The following PSIP1 variants were observed in gnomAD, a reference collection of about 807,000 sequenced individuals.
PSIP1 encodes the protein PC4 and SFRS1-interacting protein.
In PSIP1, 19 loss-of-function variants were observed where a neutral mutation model predicts 74.7. That is an observed-to-expected ratio of 0.25 (90% CI 0.18 to 0.37). The LOEUF (loss-of-function observed/expected upper bound fraction) is 0.37. PSIP1 is among the 10% of genes least tolerant of loss of function. PSIP1 has a pLI of 1.00. For missense variants in PSIP1, 601 were observed against 614.3 expected (o/e 0.98, Z 0.23); for synonymous variants, 222 against 195.3 (o/e 1.14, Z -1.14).
At chr9:15,504,305 TTTAG>T (rs552343899) in intron 3 of PSIP1, among the ~76,000 whole-genome samples, 39 of 152,218 alleles carry the variant, frequency 2.6e-4, no homozygotes, top group Non-Finnish European at 4.3e-4. Flanking sequence ...CAAACAACAG[TTTAG>T]TTATTTAGTT....
At chr9:15,488,278 C>T (rs1229732269) in intron 4 of PSIP1, among the ~76,000 whole-genome samples, 1 of 151,968 alleles carries the variant, frequency 6.6e-6, no homozygotes, top group Non-Finnish European at 1.5e-5. Context: ...CTTCAGTGAG[C>T]CGAGATCACG....
intron 4 of PSIP1, among the ~76,000 whole-genome samples, chr9:15,488,848 C>T (rs1053341071): frequency 2.6e-5 from 4 of 152,024 alleles, no homozygotes; most frequent in Non-Finnish European, 2.9e-5. Context: ...GGTGAAACCC[C>T]GTCTCTACTA....
intron 9 of PSIP1, 94 bp downstream of exon 9, chr9:15,473,915 C>CAAAAAAAAAAAAAAAAAAA (rs386414512): frequency 1.0e-5 from 6 of 600,648 alleles, no homozygotes; most frequent in African/African-American, 9.3e-5. Context: ...AAAAAAAAAA[C>CAAAAAAAAAAAAAAAAAAA]AAAAAAAAAA....
In PSIP1 at chr9:15,510,254, TGCGGGCGGCGGAC is replaced by T; in HGVS notation, c.-79_-67del. On this transcript the variant is annotated 5_prime_UTR_variant, in exon 2 of 16. Coordinates refer to ENST00000380733, the MANE Select transcript of PSIP1 (RefSeq NM_033222.5). ...GCGAGGAGATGCGGCGGCGCGGGGA[TGCGGGCGGCGGAC>T]GCGGGCCCAGCTACCGGGCCCGCGG... The T allele has an allele frequency of 1.3e-6, 2 of 1,506,398 alleles. No individual in the cohort carries two copies. Among genetic ancestry groups the T allele is most frequent in the Non-Finnish European group, 9.0e-7 (1 of 1,105,002 alleles). 93.3% of individuals were successfully genotyped at this position (1,506,398 alleles called of 1,614,324 possible).
intron 3 of PSIP1, among the ~76,000 whole-genome samples, chr9:15,504,354 T>A (rs2037485191): frequency 1.3e-5 from 2 of 152,050 alleles, no homozygotes; most frequent in African/African-American, 4.8e-5. Flanking sequence ...CATATATTTA[T>A]ATATGAAAAT....
intron 6 of PSIP1, among the ~76,000 whole-genome samples, chr9:15,481,289 G>A (rs978413316): frequency 6.6e-6 from 1 of 152,182 alleles, no homozygotes; most frequent in Admixed American, 6.5e-5. Context: ...GGAGTTAAGA[G>A]GGCATAATTT....
At position 15,465,280 on chromosome 9, in the gene PSIP1, A is replaced by T; in HGVS notation, c.*240T>A. The T allele has an allele frequency of 2.3e-6, 1 of 432,944 alleles. No individual in the cohort carries two copies. Among genetic ancestry groups the T allele is most frequent in the Non-Finnish European group, 4.0e-6 (1 of 247,712 alleles). 26.8% of individuals were successfully genotyped at this position (432,944 alleles called of 1,614,324 possible). On this transcript the variant is annotated 3_prime_UTR_variant, in exon 16 of 16. Coordinates refer to ENST00000380733, the MANE Select transcript of PSIP1 (RefSeq NM_033222.5). ...ATGCTACAACCATGTCTGGAAAAGC[A>T]GTTTAACATTTTCTAAATGGATTTT...
intron 6 of PSIP1, among the ~76,000 whole-genome samples, chr9:15,483,788 T>C (rs1222544169): frequency 1.3e-5 from 2 of 152,150 alleles, no homozygotes; most frequent in Non-Finnish European, 2.9e-5. Flanking sequence ...GGTGAGGAGT[T>C]CAAGACCTGG....
At chr9:15,504,275 C>G (rs2037480505) in intron 3 of PSIP1, among the ~76,000 whole-genome samples, 1 of 152,294 alleles carries the variant, frequency 6.6e-6, no homozygotes, top group East Asian at 1.9e-4. Flanking sequence ...TCTTCATTAA[C>G]TATCTAATTA....
chr9:15,484,615 T>G (rs2036478144), intron 6 of PSIP1, among the ~76,000 whole-genome samples: 1 of 151,712 alleles, frequency 6.6e-6, no homozygotes. Context: ...TAATCCCAGC[T>G]AATCGGGGGG....
At chr9:15,480,365 C>T (rs1177826597) in intron 6 of PSIP1, among the ~76,000 whole-genome samples, 1 of 152,184 alleles carries the variant, frequency 6.6e-6, no homozygotes, top group Admixed American at 6.5e-5. Context: ...ACTCCCCCAA[C>T]TATTTAGAAT....
At chr9:15,499,493 CTCTT>C (rs2037233371) in intron 3 of PSIP1, among the ~76,000 whole-genome samples, 1 of 152,204 alleles carries the variant, frequency 6.6e-6, no homozygotes, top group Non-Finnish European at 1.5e-5. Flanking sequence ...GCAGTTCTCT[CTCTT>C]AATTCACTTT....
chr9:15,508,321 G>T (rs957810001), intron 2 of PSIP1, among the ~76,000 whole-genome samples: 4 of 152,004 alleles, frequency 2.6e-5, no homozygotes, highest in African/African-American at 9.7e-5. Context: ...TGTAACTGTT[G>T]GACACAGAAT....
At chr9:15,466,924 C>T (rs953478771) in intron 14 of PSIP1, 65 bp from the exon 15 acceptor site, 1 of 1,223,796 alleles carries the variant, frequency 8.2e-7, no homozygotes, top group African/African-American at 1.5e-5. Context: ...AAGGTGTCCA[C>T]TAAAGATCCA....
At position 15,464,560 on chromosome 9, in the gene PSIP1, A is replaced by T. The variant is rs1237301988; in HGVS notation, c.*960T>A. ...TTTTTGGAATCTAGAAAATAAAAAC[A>T]ATATAGCCATGATTTCAAATAGGTG... On this transcript the variant is annotated 3_prime_UTR_variant, in exon 16 of 16. Transcript: ENST00000380733. 5.0e-6 allele frequency: 1 copy of T among 199,562 alleles called. No individual in the cohort carries two copies. Among genetic ancestry groups the T allele is most frequent in the Admixed American group, 6.0e-5 (1 of 16,570 alleles). 12.4% of individuals were successfully genotyped at this position (199,562 alleles called of 1,614,324 possible). A position where few individuals can be genotyped will look rare whatever the true frequency, so the allele number is the denominator to read the frequency against.
chr9:15,487,182 G>A (rs995815846), intron 4 of PSIP1, among the ~76,000 whole-genome samples: 1 of 150,458 alleles, frequency 6.6e-6, no homozygotes, highest in Non-Finnish European at 1.5e-5. Flanking sequence ...CCTGGGCAAC[G>A]CAGTCTCAAA....
rs200896169 is a variant in PSIP1, at chr9:15,506,610, T to C, written c.100A>G (p.Lys34Glu). ...RVDEVPDGAV[K>E]PPTNKLPIFF... ...ATGGGTAGTTTGTTTGTGGGTGGCT[T>C]TACAGCTCCATCAGGAACTTCGTCT... The change falls in exon 3 of 16, where the codon AAG (lysine) becomes GAG (glutamate). Residue 34 changes from lysine (K) to glutamate (E), a missense_variant. Transcript: ENST00000380733. The C allele has an allele frequency of 6.2e-7, 1 of 1,612,792 alleles. No individual in the cohort carries two copies. The highest frequency in any genetic ancestry group is 8.5e-7 in the Non-Finnish European group (1 of 1,178,990).
chr9:15,496,248 G>C (rs1218770542), intron 3 of PSIP1, among the ~76,000 whole-genome samples: 2 of 152,172 alleles, frequency 1.3e-5, no homozygotes, highest in African/African-American at 4.8e-5. Flanking sequence ...CTGTTACTTA[G>C]CTAAGTCATG....
At chr9:15,474,499 C>T (rs982364930) in intron 8 of PSIP1, among the ~76,000 whole-genome samples, 3 of 152,198 alleles carry the variant, frequency 2.0e-5, no homozygotes, top group African/African-American at 7.2e-5. Context: ...AAAGTAGACA[C>T]ACTGGGACAA....
Sources: gnomAD v4.1 joint callset for allele counts (sites outside exome capture counted in the v4.1 genomes callset) on GRCh38, gnomAD v4.1.1 for gene constraint, MANE v1.5 for transcripts, NCBI Gene and HGNC (gene_info 2026-07-23, HGNC 2026-07-21) for gene names.